The following TDP1 variants were observed in gnomAD, a reference collection of about 807,000 sequenced individuals.
TDP1 encodes the protein tyr-DNA phosphodiesterase 1.
TDP1 carries 64 observed loss-of-function variants against 81.5 expected under a neutral mutation model. The ratio of observed to expected loss-of-function variants is 0.79; its 90% CI spans 0.64 to 0.97. TDP1 has a LOEUF of 0.97. TDP1 is among the 50% of genes least tolerant of loss of function. TDP1 has a pLI of 0.00. For missense variants in TDP1, 723 were observed against 743.8 expected (o/e 0.97, Z 0.33); for synonymous variants, 256 against 264.3 (o/e 0.97, Z 0.30).
intron 12 of TDP1, chr14:89,991,474 G>T: frequency 1.3e-6 from 1 of 784,386 alleles, no homozygotes. Context: ...CGACACAGAA[G>T]AATTGTAAAT....
intron 8 of TDP1, chr14:89,982,972 A>G (rs1022600134): frequency 2.7e-6 from 1 of 366,270 alleles, no homozygotes; most frequent in Non-Finnish European, 5.3e-6. Context: ...TTAGAACAAG[A>G]GTTGCATCCA....
In TDP1 at chr14:89,991,980, T is replaced by C. The variant is rs1896232688; in HGVS notation, c.1430T>C (p.Phe477Ser). ...AEKQNWLHSYFHKWSAETSGR... is the reference protein window; with the variant it reads ...AEKQNWLHSYSHKWSAETSGR... ...AAACAGAATTGGCTGCATTCCTATT[T>C]TCAGTAAGTAATTGGTTTAGACTGC... The change falls in exon 13 of 17, where the codon TTT (phenylalanine) becomes TCT (serine). Residue 477 changes from phenylalanine (F) to serine (S), a missense_variant. Transcript: ENST00000335725. 2 of 1,612,134 alleles carry C rather than the reference T, an allele frequency of 1.2e-6. No homozygotes were observed. Among genetic ancestry groups the C allele is most frequent in the Non-Finnish European group, 8.5e-7 (1 of 1,179,136 alleles).
upstream of TDP1, chr14:89,955,312 C>T (rs1891452993): frequency 6.6e-6 from 1 of 152,250 alleles, no homozygotes; most frequent in Non-Finnish European, 1.5e-5. Context: ...TTCACTCAGT[C>T]CTCTGGAAGA....
At chr14:89,999,160 C>T (rs894513675) in intron 14 of TDP1, among the ~76,000 whole-genome samples, 1 of 152,090 alleles carries the variant, frequency 6.6e-6, no homozygotes, top group Non-Finnish European at 1.5e-5. Flanking sequence ...TATTTAATAA[C>T]CTGGCCATCA....
chr14:89,965,875 A>G, intron 3 of TDP1: 1 of 984,592 alleles, frequency 1.0e-6, no homozygotes, highest in African/African-American at 1.7e-5. Flanking sequence ...GTCCATATTG[A>G]GTTTCTAAAC....
At chr14:89,984,715 A>G (rs1331947604) in intron 9 of TDP1, 32 bp downstream of exon 9, 10 of 1,611,244 alleles carry the variant, frequency 6.2e-6, no homozygotes, top group Non-Finnish European at 6.8e-6. Flanking sequence ...TGGGGTGCTT[A>G]TGATAGGCTT....
intron 14 of TDP1, among the ~76,000 whole-genome samples, chr14:90,017,977 C>G (rs181638195): frequency 7.6e-4 from 115 of 152,232 alleles, no homozygotes; most frequent in African/African-American, 2.5e-3. Context: ...AAATAATGCT[C>G]TATTTGCTTA....
rs116092188 is a variant in TDP1 at position 90,000,023 on chromosome 14, C to T, written c.1541+6540C>T. 1.6e-3 allele frequency among the ~76,000 whole-genome samples: 242 copies of T among 152,278 alleles called. 1 individual carries two copies. The highest frequency in any genetic ancestry group is 5.5e-3 in the African/African-American group (230 of 41,552). On this transcript the variant is annotated intron_variant, in intron 14 of 16. Coordinates refer to ENST00000335725, the MANE Select transcript of TDP1 (RefSeq NM_018319.4). ...GTGTCTCACCAGGCTAAAATCAAGG[C>T]GTCAACCCAGCTGTGCTCTCATCTG... is the stretch of plus-strand genomic sequence containing the variant.
chr14:90,002,155 C>G (rs1897243504), intron 14 of TDP1, among the ~76,000 whole-genome samples: 1 of 152,176 alleles, frequency 6.6e-6, no homozygotes, highest in South Asian at 2.1e-4. Flanking sequence ...TGCTCCTCAT[C>G]CAGAAACCAC....
At chr14:89,998,138 C>A (rs1478256302) in intron 14 of TDP1, among the ~76,000 whole-genome samples, 1 of 151,644 alleles carries the variant, frequency 6.6e-6, no homozygotes, top group African/African-American at 2.4e-5. Flanking sequence ...GTTAATATCC[C>A]TAGTGGTATC....
At chr14:89,961,208 C>G (rs1892287656) in intron 2 of TDP1, among the ~76,000 whole-genome samples, 1 of 152,178 alleles carries the variant, frequency 6.6e-6, no homozygotes, top group Admixed American at 6.5e-5. Context: ...CAATTAGGCC[C>G]TCTGTCAAAA....
intron 14 of TDP1, among the ~76,000 whole-genome samples, chr14:90,006,249 A>G (rs1275098831): frequency 2.6e-5 from 4 of 152,108 alleles, no homozygotes; most frequent in African/African-American, 9.7e-5. Context: ...CATGCATCAT[A>G]ATCATTTTCA....
rs567452699 is a variant in TDP1 at position 89,956,713 on chromosome 14, C to T, written c.-95C>T. On this transcript the variant is annotated 5_prime_UTR_variant, in exon 2 of 17. Coordinates refer to ENST00000335725, the MANE Select transcript of TDP1 (RefSeq NM_018319.4). ...AGGAGTTTGAGATCAGCCCGGGCAA[C>T]ATGGTGAAACCCCGTCTCTACAAAA... 6.6e-6 allele frequency: 1 copy of T among 152,380 alleles called. No individual in the cohort carries two copies. The highest frequency in any genetic ancestry group is 1.5e-5 in the Non-Finnish European group (1 of 68,092). The allele number at this position is 152,380 out of a possible 1,614,324, so 9.4% of individuals were successfully genotyped here. A position where few individuals can be genotyped will look rare whatever the true frequency, so the allele number is the denominator to read the frequency against.
chr14:90,033,295 G>T (rs1286272309), intron 16 of TDP1, 81 bp downstream of exon 16: 1 of 854,026 alleles, frequency 1.2e-6, no homozygotes, highest in African/African-American at 1.7e-5. Context: ...TTTGGTCTCA[G>T]TGGGATCCTG....
In TDP1 at chr14:89,976,725, C is replaced by T. The variant is rs544827882; in HGVS notation, c.791+910C>T. Among the ~76,000 whole-genome samples, 4 of 151,698 alleles carry T rather than the reference C, an allele frequency of 2.6e-5. No individual in the cohort carries two copies. In the South Asian group the frequency reaches 6.2e-4, roughly 24 times the overall value. On this transcript the variant is annotated intron_variant, in intron 7 of 16. Coordinates refer to ENST00000335725, the MANE Select transcript of TDP1 (RefSeq NM_018319.4). ...CTAACTTTTATATTTTTATTAGAGA[C>T]GGGGTTTCACCATGTTTGCCAGGCT...
At chr14:90,028,847 G>A (rs1886943209) in intron 15 of TDP1, among the ~76,000 whole-genome samples, 1 of 152,068 alleles carries the variant, frequency 6.6e-6, no homozygotes, top group Non-Finnish European at 1.5e-5. Flanking sequence ...CTCAGATCTG[G>A]GCCCAGGCTG....
chr14:90,032,399 C>T (rs1178892338), intron 15 of TDP1, among the ~76,000 whole-genome samples: 2 of 151,862 alleles, frequency 1.3e-5, no homozygotes, highest in Non-Finnish European at 2.9e-5. Context: ...AAGCAGAATG[C>T]CAGGATGATC....
intron 7 of TDP1, among the ~76,000 whole-genome samples, chr14:89,976,527 C>CT (rs35744477): frequency 0.057 from 5,075 of 88,670 alleles, 1,274 homozygotes; most frequent in African/African-American, 0.15. Flanking sequence ...CAACAGAGCT[C>CT]TTTTTTTTTT....
intron 14 of TDP1, among the ~76,000 whole-genome samples, chr14:90,014,034 A>G (rs931008809): frequency 2.0e-5 from 3 of 152,202 alleles, no homozygotes; most frequent in African/African-American, 7.2e-5. Context: ...GACTAATACA[A>G]TACTTAATAT....
Sources: allele counts gnomAD v4.1 joint callset (sites outside exome capture counted in the v4.1 genomes callset), GRCh38; gene constraint gnomAD v4.1.1; transcripts MANE v1.5; gene names NCBI Gene and HGNC (gene_info 2026-07-23, HGNC 2026-07-21).